Variants in MBD5 observed in about 807,000 individuals in gnomAD.
MBD5 encodes methyl-CpG binding domain protein 5, also known as methyl-CpG-binding domain protein 5.
In MBD5, 13 loss-of-function variants were observed where a neutral mutation model predicts 117.3. The observed-to-expected ratio is 0.11, with a 90% CI of 0.07 to 0.18. The LOEUF (loss-of-function observed/expected upper bound fraction) is 0.18, where lower values mean the gene tolerates loss of function less well. Among genes scored for constraint, MBD5 ranks in the 10% least tolerant of loss-of-function variants. The probability of loss-of-function intolerance (pLI) is 1.00; values close to 1 mark genes in which losing one functional copy is unlikely to be tolerated. For missense variants in MBD5, 1,879 were observed against 2,093.8 expected, an observed-to-expected ratio of 0.90 and a Z score of 2.00; for synonymous variants, 727 against 766.4, an observed-to-expected ratio of 0.95 and a Z score of 0.85.
intron 3 of MBD5, among the ~76,000 whole-genome samples, chr2:148,246,763 CAAAA>C (rs71406014): frequency 4.3e-5 from 3 of 70,138 alleles, no homozygotes; most frequent in East Asian, 4.4e-4. Context: ...GACTCCATCT[CAAAA>C]AAAAAAAAAA....
rs1441056903 is a variant in MBD5, at chr2:148,464,944, T to A, written c.397+1025T>A. ...ATGATCACACCACTGTGCTCCAACC[T>A]GAGTGATAGAGCAAAACTCTGTCTT... On this transcript the variant is annotated intron_variant, in intron 7 of 13. Transcript: ENST00000642680. 1.3e-5 allele frequency among the ~76,000 whole-genome samples: 2 copies of A among 151,770 alleles called. 1 individual carries two copies. Among genetic ancestry groups the A allele is most frequent in the Non-Finnish European group, 2.9e-5 (2 of 67,944 alleles).
chr2:148,322,057 C>T (rs564621132), intron 3 of MBD5, among the ~76,000 whole-genome samples: 11 of 152,314 alleles, frequency 7.2e-5, no homozygotes, highest in African/African-American at 1.9e-4. Context: ...ATGTACTCTA[C>T]GCTAGACTCC....
intron 4 of MBD5, among the ~76,000 whole-genome samples, chr2:148,354,240 G>T (rs1703316434): frequency 6.6e-6 from 1 of 151,472 alleles, no homozygotes; most frequent in South Asian, 2.1e-4. Context: ...TTAGATAATT[G>T]TCCTAATGCT....
intron 7 of MBD5, 71 bp downstream of exon 7, chr2:148,463,990 C>A: frequency 6.7e-7 from 1 of 1,493,788 alleles, no homozygotes; most frequent in Non-Finnish European, 9.2e-7. Flanking sequence ...ATCATTTTGC[C>A]TAGCATTTTC....
chr2:148,162,802 C>T (rs1698040762), intron 1 of MBD5, among the ~76,000 whole-genome samples: 1 of 151,992 alleles, frequency 6.6e-6, no homozygotes, highest in South Asian at 2.1e-4. Flanking sequence ...AACCTTAATA[C>T]CTCTAAAATG....
At chr2:148,365,874 C>CT in intron 4 of MBD5, among the ~76,000 whole-genome samples, 1 of 151,960 alleles carries the variant, frequency 6.6e-6, no homozygotes, top group African/African-American at 2.4e-5. Flanking sequence ...CAGATGGATG[C>CT]CCAGGTGAAT....
intron 4 of MBD5, among the ~76,000 whole-genome samples, chr2:148,427,291 C>T (rs1198029960): frequency 6.6e-6 from 1 of 152,278 alleles, no homozygotes; most frequent in East Asian, 1.9e-4. Flanking sequence ...ACCCAGCCAT[C>T]CCATTACTGG....
intron 8 of MBD5, among the ~76,000 whole-genome samples, chr2:148,479,830 T>C (rs4972367): frequency 0.026 from 4,007 of 151,818 alleles, 74 homozygotes; most frequent in South Asian, 0.04. Flanking sequence ...TTCCCTGACA[T>C]GTTCAGTTTT....
intron 4 of MBD5, among the ~76,000 whole-genome samples, chr2:148,414,314 T>A (rs985367016): frequency 2.6e-5 from 4 of 152,274 alleles, no homozygotes; most frequent in Admixed American, 6.5e-5. Context: ...TTTATTGCAC[T>A]GTGGTCCAAG....
At chr2:148,472,422 A>G (rs1443702662) in intron 8 of MBD5, 1 of 152,134 alleles carries the variant, frequency 6.6e-6, no homozygotes, top group African/African-American at 2.4e-5. Context: ...TTAAAGTATT[A>G]AACCTAATAA....
intron 8 of MBD5, among the ~76,000 whole-genome samples, chr2:148,480,205 G>A (rs1681107130): frequency 6.6e-6 from 1 of 151,852 alleles, no homozygotes. Context: ...CTTTCTTGAT[G>A]GTAAAGCAAA....
rs3076398 is a variant in MBD5, at chr2:148,280,131, C to CAAAA, written c.-680+46752_-680+46755dup. On this transcript the variant is annotated intron_variant, in intron 3 of 13. Transcript: ENST00000642680. ...TTTCTATTCTTTTAAAAACTAACTG[C>CAAAA]AAAAAAAAAAAAAAAAAAACAAAAA... 1.3e-3 allele frequency among the ~76,000 whole-genome samples: 117 copies of CAAAA among 91,822 alleles called. 1 individual carries two copies. The highest frequency in any genetic ancestry group is 8.8e-3 in the Middle Eastern group (1 of 114). 60.2% of individuals were successfully genotyped at this position (91,822 alleles called of 152,430 possible).
intron 4 of MBD5, among the ~76,000 whole-genome samples, chr2:148,360,431 T>G (rs1703500559): frequency 6.6e-6 from 1 of 152,332 alleles, no homozygotes; most frequent in Non-Finnish European, 1.5e-5. Flanking sequence ...TTTTATTAAG[T>G]AAATAATACT....
chr2:148,184,545 T>C (rs1417647290), intron 2 of MBD5, among the ~76,000 whole-genome samples: 1 of 152,242 alleles, frequency 6.6e-6, no homozygotes, highest in African/African-American at 2.4e-5. Flanking sequence ...CTTGTTCTTA[T>C]TATATGCCGC....
intron 3 of MBD5, among the ~76,000 whole-genome samples, chr2:148,277,727 A>G (rs1335643890): frequency 6.6e-6 from 1 of 152,048 alleles, no homozygotes; most frequent in Non-Finnish European, 1.5e-5. Context: ...CTATATTATC[A>G]TTATTGTCCT....
chr2:148,386,451 G>T (rs1279451781), intron 4 of MBD5, among the ~76,000 whole-genome samples: 1 of 152,032 alleles, frequency 6.6e-6, no homozygotes, highest in African/African-American at 2.4e-5. Flanking sequence ...GGGCGCGGTG[G>T]CTCACGCCTG....
chr2:148,118,093 A>G (rs561135833), intron 1 of MBD5, among the ~76,000 whole-genome samples: 3 of 152,274 alleles, frequency 2.0e-5, no homozygotes, highest in South Asian at 4.1e-4. Context: ...GGTCGCCACC[A>G]TTACCCAGAA....
rs571230726 is a variant in MBD5, at chr2:148,445,650, C to T, written c.-556-12553C>T. ...GATTTATACTCCTTTGGGTATATAC[C>T]CAGTAATGGGATTGCTGGGTCAAAT... On this transcript the variant is annotated intron_variant, in intron 4 of 13. Transcript: ENST00000642680. 3.1e-4 allele frequency among the ~76,000 whole-genome samples: 47 copies of T among 151,216 alleles called. 1 individual carries two copies. Among genetic ancestry groups the T allele is most frequent in the African/African-American group, 1.2e-3 (47 of 40,650 alleles).
intron 3 of MBD5, among the ~76,000 whole-genome samples, chr2:148,302,950 A>G (rs1042127093): frequency 6.0e-5 from 9 of 149,736 alleles, no homozygotes; most frequent in African/African-American, 2.2e-4. Context: ...TCATTATATC[A>G]TATATACATT....
Sources: gnomAD v4.1 joint callset for allele counts (sites outside exome capture counted in the v4.1 genomes callset) on GRCh38, gnomAD v4.1.1 for gene constraint, MANE v1.5 for transcripts, NCBI Gene and HGNC (gene_info 2026-07-23, HGNC 2026-07-21) for gene names.